The following C5orf34 variants were observed in gnomAD, a reference collection of about 807,000 sequenced individuals.
C5orf34 encodes the protein uncharacterized protein C5orf34.
Under a neutral mutation model 78.4 loss-of-function variants are expected in C5orf34, and 73 were observed. The ratio of observed to expected loss-of-function variants is 0.93; its 90% CI spans 0.77 to 1.13. C5orf34 has a LOEUF of 1.13. Among genes scored for constraint, C5orf34 ranks in the 50% most tolerant of loss-of-function variants. The pLI, the probability that C5orf34 is intolerant of heterozygous loss-of-function variation, is 0.00. For synonymous variants in C5orf34, 251 were observed against 246.6 expected (o/e 1.02, Z -0.17); for missense variants, 730 against 732.7 (o/e 1.00, Z 0.04).
chr5:43,503,914 G>T (rs898902405), intron 4 of C5orf34, among the ~76,000 whole-genome samples, 154 bp from the exon 5 acceptor site: 5 of 152,042 alleles, frequency 3.3e-5, no homozygotes, highest in African/African-American at 9.7e-5. Context: ...TTAATGAAAT[G>T]TAAAAAGCAA....
chr5:43,503,652 A>G lies in C5orf34; in HGVS notation c.1028+13T>C, dbSNP rs200097640. On this transcript the variant is annotated intron_variant, in intron 5 of 12. Transcript: ENST00000306862. ...CTCTAACTCCAACATAGAAGCCAAC[A>G]TAGGTGCCTTACCTATATGTAACAC... is the stretch of plus-strand genomic sequence containing the variant. 618 of 1,555,496 alleles carry G rather than the reference A, an allele frequency of 4.0e-4. 7 individuals carry two copies. The South Asian group carries it at 4.7e-3, about 12-fold the overall frequency.
At chr5:43,493,415 A>C (rs1745364818) in intron 8 of C5orf34, 128 bp downstream of exon 8, 1 of 625,346 alleles carries the variant, frequency 1.6e-6, no homozygotes, top group Non-Finnish European at 2.8e-6. Flanking sequence ...ATTTTTCTGA[A>C]TAAACCAACA....
chr5:43,509,140 C>A lies in C5orf34; in HGVS notation c.195+5G>T. On this transcript the variant is annotated splice_donor_5th_base_variant and intron_variant, in intron 2 of 12. Transcript: ENST00000306862. ...AAAAGTTGTTTACGTGATATCTTTA[C>A]TTACTCTGTAAGTGCTAATGACAAA... is the stretch of plus-strand genomic sequence containing the variant. 1 of 1,608,092 alleles carries A rather than the reference C, an allele frequency of 6.2e-7. No individual in the cohort carries two copies. The highest frequency in any genetic ancestry group is 8.5e-7 in the Non-Finnish European group (1 of 1,177,688).
At chr5:43,496,582 ATTTTT>A (rs70994702) in intron 6 of C5orf34, 418 of 428,142 alleles carry the variant, frequency 9.8e-4, no homozygotes, top group Middle Eastern at 3.0e-3. Flanking sequence ...GTTTTTTTTA[ATTTTT>A]TTTTTTTTTT....
chr5:43,497,816 T>G (rs774588789), intron 6 of C5orf34, among the ~76,000 whole-genome samples: 1 of 152,200 alleles, frequency 6.6e-6, no homozygotes, highest in Non-Finnish European at 1.5e-5. Context: ...AACAGACACC[T>G]CAACATCACC....
intron 4 of C5orf34, among the ~76,000 whole-genome samples, chr5:43,504,863 C>G (rs1013636582): frequency 6.6e-6 from 1 of 152,158 alleles, no homozygotes; most frequent in African/African-American, 2.4e-5. Flanking sequence ...CTCATTTTAA[C>G]CAGATAATCA....
At chr5:43,509,822 C>A (rs1746150061) in intron 1 of C5orf34, among the ~76,000 whole-genome samples, 1 of 150,662 alleles carries the variant, frequency 6.6e-6, no homozygotes, top group Admixed American at 6.6e-5. Context: ...GTGGTGTGAT[C>A]TCGGCTCACT....
At chr5:43,491,171 T>G (rs1252873329) in intron 10 of C5orf34, among the ~76,000 whole-genome samples, 2 of 152,220 alleles carry the variant, frequency 1.3e-5, no homozygotes, top group African/African-American at 2.4e-5. Context: ...CTTGTATGCA[T>G]ATGTGTAATT....
intron 1 of C5orf34, among the ~76,000 whole-genome samples, chr5:43,511,737 C>G (rs1248025169): frequency 6.6e-6 from 1 of 151,112 alleles, no homozygotes; most frequent in African/African-American, 2.4e-5. Flanking sequence ...ACCCCCAACC[C>G]TGTGCTCTCT....
intron 8 of C5orf34, 147 bp downstream of exon 8, chr5:43,493,396 T>G: frequency 1.7e-6 from 1 of 586,884 alleles, no homozygotes; most frequent in Non-Finnish European, 3.0e-6. Flanking sequence ...GTTTGTCTAC[T>G]AGGTAGGTAT....
intron 6 of C5orf34, chr5:43,495,527 T>C (rs1023658562): frequency 4.3e-6 from 7 of 1,610,048 alleles, no homozygotes; most frequent in African/African-American, 4.0e-5. Context: ...ATTCTTGACA[T>C]TGAAGCCCAC....
rs772060815 is a variant in C5orf34, at chr5:43,509,221, G to A, written c.119C>T (p.Pro40Leu). Residue 40 changes from proline (P) to leucine (L), a missense_variant, in exon 2 of 13, where the codon CCA becomes CTA. Coordinates refer to ENST00000306862, the MANE Select transcript of C5orf34 (RefSeq NM_198566.4). The stretch of plus-strand genomic sequence containing the variant: ...TTCTAAAGGATGTGCTGAAACAGGT[G>A]GTGACTTTTCAAATAAAAATTCAGA... ...CGSEFLFEKSPPVSAHPLEQP... is the reference protein window; with the variant it reads ...CGSEFLFEKSLPVSAHPLEQP... 1.7e-5 allele frequency: 28 copies of A among 1,613,964 alleles called. 1 individual carries two copies. The highest frequency in any genetic ancestry group is 2.5e-6 in the Non-Finnish European group (3 of 1,180,002).
intron 6 of C5orf34, among the ~76,000 whole-genome samples, chr5:43,498,547 A>G (rs970364704): frequency 6.6e-6 from 1 of 152,234 alleles, no homozygotes; most frequent in Admixed American, 6.5e-5. Context: ...ACCGGGCACC[A>G]CCATTCATTG....
At chr5:43,494,733 A>G (rs916825239) in intron 6 of C5orf34, 132 bp from the exon 7 acceptor site, 1 of 516,152 alleles carries the variant, frequency 1.9e-6, no homozygotes, top group African/African-American at 1.9e-5. Context: ...TAAAGCCCAC[A>G]AAATCATGGT....
At position 43,506,392 on chromosome 5, in the gene C5orf34, A is replaced by G. The variant is rs1459091775; in HGVS notation, c.288T>C (p.His96=). ...TCACTTCTGTTATGTCAATGAAGATATGCTGCAAGGAGAGGGGAAAAGAGA... is the reference window on the plus strand; with the variant it reads ...TCACTTCTGTTATGTCAATGAAGATGTGCTGCAAGGAGAGGGGAAAAGAGA... ...ETIIPSERKK[H]IFIDITEVRW... is the part of the protein sequence containing the mutation. Residue 96 remains histidine (H), a splice_region_variant and synonymous_variant, in exon 4 of 13, where the codon CAT becomes CAC. Coordinates refer to ENST00000306862, the MANE Select transcript of C5orf34 (RefSeq NM_198566.4). The G allele has an allele frequency of 1.3e-6, 2 of 1,595,680 alleles. No homozygotes were observed. Among genetic ancestry groups the G allele is most frequent in the South Asian group, 1.1e-5 (1 of 88,296 alleles).
In C5orf34 at chr5:43,494,514, T is replaced by G. The variant is rs1380360012; in HGVS notation, c.1240A>C (p.Thr414Pro). 5 of 1,598,362 alleles carry G rather than the reference T, an allele frequency of 3.1e-6. No homozygotes were observed. Among genetic ancestry groups the G allele is most frequent in the African/African-American group, 1.3e-5 (1 of 74,642 alleles). ...AATTGAATGGGAAGAACTTACCTTGTTGCCTGTTTAATTAGAGAACCGACA... is the reference window on the plus strand; with the variant it reads ...AATTGAATGGGAAGAACTTACCTTGGTGCCTGTTTAATTAGAGAACCGACA... ...FTVGSLIKQA[T>P]RILQHCVKMR... Residue 414 changes from threonine (T) to proline (P), a missense_variant, in exon 7 of 13, where the codon ACA becomes CCA. By Grantham distance (38) the Thr-to-Pro change is conservative. Transcript: ENST00000306862.
intron 11 of C5orf34, 104 bp from the exon 12 acceptor site, chr5:43,488,053 C>T (rs1016924218): frequency 3.5e-5 from 27 of 778,402 alleles, no homozygotes; most frequent in South Asian, 5.0e-5. Context: ...GAATTTTAAA[C>T]GGAAGAACGC....
At chr5:43,503,386 T>C (rs961720740) in intron 5 of C5orf34, among the ~76,000 whole-genome samples, 1 of 152,256 alleles carries the variant, frequency 6.6e-6, no homozygotes, top group Non-Finnish European at 1.5e-5. Context: ...ATAACTGATA[T>C]GAATGTTACA....
chr5:43,500,539 A>T (rs186701099), intron 6 of C5orf34, among the ~76,000 whole-genome samples: 139 of 152,166 alleles, frequency 9.1e-4, no homozygotes, highest in African/African-American at 3.2e-3. Flanking sequence ...GGGATTACAC[A>T]CAAGCACCAC....
Sources: gnomAD v4.1 joint callset for allele counts (sites outside exome capture counted in the v4.1 genomes callset) on GRCh38, gnomAD v4.1.1 for gene constraint, MANE v1.5 for transcripts, NCBI Gene and HGNC (gene_info 2026-07-23, HGNC 2026-07-21) for gene names.